Variants in PPARGC1A observed in about 807,000 individuals in gnomAD.
PPARGC1A encodes the protein peroxisome proliferator-activated receptor gamma coactivator 1-alpha.
PPARGC1A carries 25 observed loss-of-function variants against 88.7 expected under a neutral mutation model. The observed-to-expected ratio is 0.28, with a 90% CI of 0.21 to 0.39. The LOEUF (loss-of-function observed/expected upper bound fraction) is 0.39. PPARGC1A is among the 10% of genes least tolerant of loss of function. The pLI is 1.00. For synonymous variants in PPARGC1A, 363 were observed against 355.6 expected (o/e 1.02, Z -0.24); for missense variants, 880 against 968.7 (o/e 0.91, Z 1.22).
the PPARGC1A span, among the ~76,000 whole-genome samples, chr4:24,045,486 T>A: frequency 6.6e-6 from 1 of 152,210 alleles, no homozygotes; most frequent in East Asian, 1.9e-4. Flanking sequence ...AGGGCCATGC[T>A]CTCTCTTAAG....
chr4:23,844,428 TA>T (rs570080064), intron 2 of PPARGC1A, among the ~76,000 whole-genome samples: 87 of 128,264 alleles, frequency 6.8e-4, no homozygotes, highest in South Asian at 2.2e-3. Flanking sequence ...TAATATATTA[TA>T]TATATTATAT....
At chr4:24,001,426 C>T in the PPARGC1A span, among the ~76,000 whole-genome samples, 9 of 152,266 alleles carry the variant, frequency 5.9e-5, no homozygotes, top group East Asian at 1.7e-3. Context: ...AGAGAGCAAA[C>T]TCAAATGATT....
chr4:24,421,124 G>T, the PPARGC1A span, among the ~76,000 whole-genome samples: 15 of 152,004 alleles, frequency 9.9e-5, no homozygotes, highest in Admixed American at 9.8e-4. Context: ...TGCACACTCA[G>T]ATCATAACAC....
the PPARGC1A span, among the ~76,000 whole-genome samples, chr4:24,039,425 A>G: frequency 6.6e-6 from 1 of 152,160 alleles, no homozygotes; most frequent in Non-Finnish European, 1.5e-5. Context: ...TTTGGGAGGA[A>G]CTGCTCCCTT....
chr4:24,377,153 T>C, the PPARGC1A span, among the ~76,000 whole-genome samples: 5 of 151,600 alleles, frequency 3.3e-5, no homozygotes, highest in African/African-American at 1.2e-4. Context: ...AAATATTAAA[T>C]GCAATTTCAA....
the PPARGC1A span, among the ~76,000 whole-genome samples, chr4:24,151,640 TCAC>T: frequency 1.3e-5 from 2 of 152,222 alleles, no homozygotes; most frequent in East Asian, 1.9e-4. Flanking sequence ...TTCATTTTTT[TCAC>T]CACAACAATC....
chr4:24,467,055 A>AGAGAGAGAGAGAAAAAGG, the PPARGC1A span, among the ~76,000 whole-genome samples: 1 of 142,656 alleles, frequency 7.0e-6, no homozygotes, highest in African/African-American at 2.8e-5. Flanking sequence ...AGAGAAAAAG[A>AGAGAGAGAGAGAAAAAGG]AAGAAAGAGA....
the PPARGC1A span, among the ~76,000 whole-genome samples, chr4:24,211,153 C>T: frequency 6.6e-6 from 1 of 152,130 alleles, no homozygotes; most frequent in Non-Finnish European, 1.5e-5. Flanking sequence ...ACGTGCATGG[C>T]TCATAGTAGG....
chr4:23,910,371 T>TA, the PPARGC1A span, among the ~76,000 whole-genome samples: 41 of 97,522 alleles, frequency 4.2e-4, no homozygotes, highest in East Asian at 9.6e-3. Context: ...ATATATTATA[T>TA]TATATTATAT....
the PPARGC1A span, among the ~76,000 whole-genome samples, chr4:24,446,844 CCCGCCT>C: frequency 6.6e-6 from 1 of 152,168 alleles, no homozygotes; most frequent in African/African-American, 2.4e-5. Flanking sequence ...AGGTGATCCA[CCCGCCT>C]CGGCCTCCAA....
At chr4:23,942,469 A>G in the PPARGC1A span, among the ~76,000 whole-genome samples, 1 of 152,142 alleles carries the variant, frequency 6.6e-6, no homozygotes, top group Non-Finnish European at 1.5e-5. Flanking sequence ...GACATACTAC[A>G]TTACTATCAT....
At chr4:24,377,090 T>C in the PPARGC1A span, among the ~76,000 whole-genome samples, 4 of 151,896 alleles carry the variant, frequency 2.6e-5, no homozygotes, top group East Asian at 7.9e-4. Context: ...TGTAGATTTT[T>C]TTTCACGTGA....
chr4:23,906,559 A>G (rs1164859422), upstream of PPARGC1A, among the ~76,000 whole-genome samples: 1 of 144,838 alleles, frequency 6.9e-6, no homozygotes, highest in Non-Finnish European at 1.5e-5. Context: ...GTGGGCCTTG[A>G]CGGTGCTACG....
At chr4:24,397,525 G>A in the PPARGC1A span, among the ~76,000 whole-genome samples, 1 of 152,140 alleles carries the variant, frequency 6.6e-6, no homozygotes, top group African/African-American at 2.4e-5. Flanking sequence ...GAATGTAAGT[G>A]GGAATGAGGG....
chr4:23,796,233 A>T (rs912896569), intron 12 of PPARGC1A, among the ~76,000 whole-genome samples: 34 of 152,086 alleles, frequency 2.2e-4, no homozygotes, highest in African/African-American at 8.2e-4. Context: ...TGACTTGCCC[A>T]TGGTTCCTCA....
chr4:24,192,786 T>C, the PPARGC1A span, among the ~76,000 whole-genome samples: 1 of 152,186 alleles, frequency 6.6e-6, no homozygotes, highest in Admixed American at 6.5e-5. Context: ...ATCCTATTTT[T>C]ATACATACAT....
At chr4:24,175,352 GT>G in the PPARGC1A span, among the ~76,000 whole-genome samples, 360 of 118,542 alleles carry the variant, frequency 3.0e-3, 9 homozygotes, top group Non-Finnish European at 1.8e-3. Context: ...GCGGGTTTTT[GT>G]TTTTTTTTTT....
At chr4:24,087,809 G>T in the PPARGC1A span, among the ~76,000 whole-genome samples, 3 of 152,156 alleles carry the variant, frequency 2.0e-5, no homozygotes, top group African/African-American at 7.2e-5. Flanking sequence ...TGGATTTTCA[G>T]ATTTACAGTT....
chr4:24,330,833 C>T, the PPARGC1A span, among the ~76,000 whole-genome samples: 2 of 152,148 alleles, frequency 1.3e-5, no homozygotes, highest in Admixed American at 1.3e-4. Context: ...TGCAGCCACA[C>T]CACTCTTTGG....
Sources: gnomAD v4.1 joint callset for allele counts (sites outside exome capture counted in the v4.1 genomes callset) on GRCh38, gnomAD v4.1.1 for gene constraint, MANE v1.5 for transcripts, NCBI Gene and HGNC (gene_info 2026-07-23, HGNC 2026-07-21) for gene names.